Variants in CCDC27 observed in about 807,000 individuals in gnomAD.
CCDC27 encodes the protein coiled-coil domain-containing protein 27.
CCDC27 carries 80 observed loss-of-function variants against 80.3 expected under a neutral mutation model. That is an observed-to-expected ratio of 1.00 (90% CI 0.83 to 1.20). The LOEUF is 1.20. Ranked by LOEUF, CCDC27 falls within the 50% of genes most tolerant of loss-of-function variation. CCDC27 has a pLI of 0.00. For synonymous variants in CCDC27, 342 were observed against 334.3 expected, an observed-to-expected ratio of 1.02 and a Z score of -0.25; for missense variants, 815 against 809.4, an observed-to-expected ratio of 1.01 and a Z score of -0.08.
At chr1:3,756,590 G>A (rs1011116572) in intron 3 of CCDC27, 143 bp from the exon 4 acceptor site, 17 of 845,690 alleles carry the variant, frequency 2.0e-5, no homozygotes, top group Admixed American at 1.5e-4. Context: ...GGTGACAAGA[G>A]TTAGGAGACA....
chr1:3,767,030 A>G (rs1255511174), intron 9 of CCDC27, among the ~76,000 whole-genome samples: 2 of 152,042 alleles, frequency 1.3e-5, no homozygotes, highest in Non-Finnish European at 2.9e-5. Context: ...TAGTAGAGAC[A>G]GGGTTTCACC....
chr1:3,762,707 T>C lies in CCDC27; in HGVS notation c.949T>C (p.Trp317Arg). ...ACATGAGGAGGAGCTGCAGCACTGG[T>C]GGCAGGTGCGGGCCGCCTGGAGAGC... is the stretch of plus-strand genomic sequence containing the variant. ...SRHEEELQHW[W>R]QMQEESAAPE... is the part of the protein sequence containing the mutation. Residue 317 changes from tryptophan (W) to arginine (R), a missense_variant, in exon 6 of 12, where the codon TGG (tryptophan) becomes CGG (arginine). Physicochemically the swap from Trp to Arg is moderately radical, Grantham distance 101. Coordinates refer to ENST00000294600, the MANE Select transcript of CCDC27 (RefSeq NM_152492.3). 2 of 1,548,360 alleles carry C rather than the reference T, an allele frequency of 1.3e-6. No individual in the cohort carries two copies.
chr1:3,755,038 C>A (rs1642917950), intron 2 of CCDC27, among the ~76,000 whole-genome samples: 2 of 152,300 alleles, frequency 1.3e-5, no homozygotes, highest in South Asian at 2.1e-4. Flanking sequence ...ACACGGTGTC[C>A]TGGGCGTGGG....
intron 6 of CCDC27, 161 bp downstream of exon 6, chr1:3,762,873 C>T: frequency 2.5e-6 from 2 of 799,662 alleles, no homozygotes; most frequent in Non-Finnish European, 3.9e-6. Flanking sequence ...GTCGTTAGCC[C>T]CCTTGAAGGC....
Position 3,763,491 on chromosome 1 carries a change from G to A in CCDC27, c.1321+17G>A, listed in dbSNP as rs745524365. The A allele has an allele frequency of 1.0e-5, 16 of 1,572,312 alleles. No homozygotes were observed. The highest frequency in any genetic ancestry group is 1.8e-5 in the Admixed American group (1 of 55,956). On this transcript the variant is annotated intron_variant, in intron 7 of 11. Coordinates refer to ENST00000294600, the MANE Select transcript of CCDC27 (RefSeq NM_152492.3). This position sits in a 1 kb window ranked among gnomAD's most constrained non-coding sequence, Gnocchi z 7.5. The stretch of plus-strand genomic sequence containing the variant: ...TTGCAACAGGTAGGGCCTCGGCGGG[G>A]GGCACTGGGCTTTGGCCACTCAGTG...
intron 2 of CCDC27, 22 bp downstream of exon 2, chr1:3,754,263 C>A (rs759930374): frequency 1.3e-6 from 2 of 1,556,296 alleles, no homozygotes; most frequent in South Asian, 1.2e-5. Flanking sequence ...CCACCAGGAC[C>A]GCCTGTGAAA....
At chr1:3,754,847 TG>T (rs1198629657) in intron 2 of CCDC27, among the ~76,000 whole-genome samples, 2 of 17,624 alleles carry the variant, frequency 1.1e-4, no homozygotes, top group Non-Finnish European at 2.2e-4. Context: ...AAGGGTGGGG[TG>T]GGGGGGTTGG....
At chr1:3,770,201 G>A (rs1458886114) in intron 11 of CCDC27, among the ~76,000 whole-genome samples, 2 of 152,162 alleles carry the variant, frequency 1.3e-5, no homozygotes, top group African/African-American at 2.4e-5. Flanking sequence ...CTCAGGGCAC[G>A]AAGATTCTCC....
In CCDC27 at chr1:3,761,563, C is replaced by T. The variant is rs1456006925; in HGVS notation, c.861+133C>T. 3 of 1,029,654 alleles carry T rather than the reference C, an allele frequency of 2.9e-6. No homozygotes were observed. The highest frequency in any genetic ancestry group is 4.2e-6 in the Non-Finnish European group (3 of 722,864). 63.8% of individuals were successfully genotyped at this position (1,029,654 alleles called of 1,614,324 possible). ...GGATCCTATCAGGTCCTCACTGGAACGTGGACCGGTTCTCAGGGTTCTGAT... is the reference window on the plus strand; with the variant it reads ...GGATCCTATCAGGTCCTCACTGGAATGTGGACCGGTTCTCAGGGTTCTGAT... On this transcript the variant is annotated intron_variant, in intron 5 of 11. Coordinates refer to ENST00000294600, the MANE Select transcript of CCDC27 (RefSeq NM_152492.3). This position sits in a 1 kb window ranked among gnomAD's most constrained non-coding sequence, Gnocchi z 5.0.
rs556940255 is a variant in CCDC27, at chr1:3,770,148, C to A, written c.1848+261C>A. Among the ~76,000 whole-genome samples, 21 of 152,306 alleles carry A rather than the reference C, an allele frequency of 1.4e-4. No individual in the cohort carries two copies. In the East Asian group the frequency reaches 4.1e-3, roughly 29 times the overall value. ...GACGGGCATCAGAGACCAGCAGTAA[C>A]TGCCACAACCCATCCTGAGCGCTGT... On this transcript the variant is annotated intron_variant, in intron 11 of 11. Transcript: ENST00000294600.
chr1:3,762,488 C>T (rs1448375982), intron 5 of CCDC27, 132 bp from the exon 6 acceptor site: 3 of 693,892 alleles, frequency 4.3e-6, no homozygotes, highest in Non-Finnish European at 7.3e-6. Context: ...ATCCCCCAGC[C>T]CCTTGGCAGG....
rs762818095 is a variant in CCDC27 at position 3,771,519 on chromosome 1, A to G, written c.1967A>G (p.Lys656Arg). ...LTSKSKKGTSK is the reference protein window; with the variant it reads ...LTSKSKKGTSR ...AGCAAATCCAAGAAGGGGACCTCCA[A>G]GTAGGCCCAGCCAGGCCCCCAAATA... The change falls in exon 12 of 12, where the codon AAG becomes AGG. Residue 656 changes from lysine (K) to arginine (R), a missense_variant. Transcript: ENST00000294600. 1.9e-5 allele frequency: 30 copies of G among 1,613,272 alleles called. No homozygotes were observed. Among genetic ancestry groups the G allele is most frequent in the South Asian group, 2.2e-5 (2 of 91,070 alleles).
intron 3 of CCDC27, chr1:3,756,489 G>T: frequency 2.5e-6 from 1 of 398,838 alleles, no homozygotes; most frequent in Non-Finnish European, 4.6e-6. Context: ...CAGAGCTTCC[G>T]CACCTTCCTG....
In CCDC27 at chr1:3,760,609, C is replaced by A. The variant is rs1051760058; in HGVS notation, c.712-672C>A. The stretch of plus-strand genomic sequence containing the variant: ...ATGTTTCTAGCTTTCCTTGTGATTT[C>A]TTTTTTGACCCATTGGCTACACAGA... On this transcript the variant is annotated intron_variant, in intron 4 of 11. Transcript: ENST00000294600. The surrounding 1 kb of genome is among the most constrained non-coding windows in gnomAD (Gnocchi z 4.3). 1.3e-5 allele frequency among the ~76,000 whole-genome samples: 2 copies of A among 152,154 alleles called. No individual in the cohort carries two copies. The highest frequency in any genetic ancestry group is 2.9e-5 in the Non-Finnish European group (2 of 68,016).
Position 3,763,263 on chromosome 1 carries a change from CGAG to C in CCDC27, c.1119_1121del (p.Glu377del). ...TGGGATCCGTGCATGAGGAGGGAAG[CGAG>C]GAGGAGGAAGAGGAGGAAGGGGACA... is the stretch of plus-strand genomic sequence containing the variant. On this transcript the variant is annotated inframe_deletion, in exon 7 of 12. Coordinates refer to ENST00000294600, the MANE Select transcript of CCDC27 (RefSeq NM_152492.3). The surrounding 1 kb of genome is among the most constrained non-coding windows in gnomAD (Gnocchi z 7.5). 4.4e-6 allele frequency: 7 copies of C among 1,577,390 alleles called. No individual in the cohort carries two copies. In the Admixed American group the frequency reaches 9.3e-5, roughly 21 times the overall value.
chr1:3,752,746 C>G lies in CCDC27; in HGVS notation c.265C>G (p.Pro89Ala). ...CCCAGAATGGAAACCGCACCAAAAG[C>G]CACGCACGCTCAGCAAGTCGGTCCA... ...RCPEWKPHQK[P>A]RTLSKSVQTI... Residue 89 changes from proline (P) to alanine (A), a missense_variant, in exon 1 of 12, where the codon CCA becomes GCA. Pro to Ala is a conservative substitution (Grantham distance 27). Transcript: ENST00000294600. 4 of 1,613,732 alleles carry G rather than the reference C, an allele frequency of 2.5e-6. No homozygotes were observed. The highest frequency in any genetic ancestry group is 1.7e-5 in the Admixed American group (1 of 60,024).
chr1:3,756,899 G>A lies in CCDC27; in HGVS notation c.711+9G>A, dbSNP rs147861439. On this transcript the variant is annotated intron_variant, in intron 4 of 11. Transcript: ENST00000294600. ...CAGTCATCCACGAGAAGGTACTGGC[G>A]GAGGGGGTGCAAATCCCGGCCCCCC... The A allele has an allele frequency of 5.8e-4, 939 of 1,606,314 alleles. No homozygotes were observed. The highest frequency in any genetic ancestry group is 1.6e-3 in the East Asian group (73 of 44,716).
rs774406117 is a variant in CCDC27 at position 3,763,799 on chromosome 1, G to A, written c.1415G>A (p.Arg472Gln). ...TENETLQKEL[R>Q]ERRQQLQAMT... The stretch of plus-strand genomic sequence containing the variant: ...AATGAGACGCTGCAGAAGGAGCTCC[G>A]AGAGCGGAGGCAGCAGCTACAAGCC... The change falls in exon 8 of 12, where the codon CGA becomes CAA. Residue 472 changes from arginine (R) to glutamine (Q), a missense_variant. Arg to Gln is a conservative substitution (Grantham distance 43). Transcript: ENST00000294600. The surrounding 1 kb of genome is among the most constrained non-coding windows in gnomAD (Gnocchi z 7.5). 27 of 1,613,900 alleles carry A rather than the reference G, an allele frequency of 1.7e-5. 2 individuals carry two copies. Among genetic ancestry groups the A allele is most frequent in the Middle Eastern group, 1.6e-4 (1 of 6,082 alleles).
chr1:3,767,418 C>T lies in CCDC27; in HGVS notation c.1716C>T (p.Arg572=), dbSNP rs199505073. ...TTCAGCAGGCAGAGCAGCACACCCG[C>T]GTGGCCCTGGAGAGCTCCCAGTCCA... ...EMIQQAEQHT[R]VALESSQSRL... The change falls in exon 10 of 12, where the codon CGC becomes CGT. Residue 572 remains arginine (R), a synonymous_variant. Coordinates refer to ENST00000294600, the MANE Select transcript of CCDC27 (RefSeq NM_152492.3). The T allele has an allele frequency of 5.6e-5, 91 of 1,613,078 alleles. No homozygotes were observed. The highest frequency in any genetic ancestry group is 6.9e-5 in the Non-Finnish European group (82 of 1,179,986).
Sources: allele counts gnomAD v4.1 joint callset (sites outside exome capture counted in the v4.1 genomes callset), GRCh38; gene constraint gnomAD v4.1.1; non-coding constraint Gnocchi (gnomAD v3.1); transcripts MANE v1.5; gene names NCBI Gene and HGNC (gene_info 2026-07-23, HGNC 2026-07-21).